Variants in RICTOR observed in about 807,000 individuals in gnomAD.
The protein encoded by RICTOR is rapamycin-insensitive companion of mTOR.
RICTOR carries 49 observed loss-of-function variants against 214.9 expected under a neutral mutation model. That is an observed-to-expected ratio of 0.23 (90% CI 0.18 to 0.29). The LOEUF is 0.29. Among genes scored for constraint, RICTOR ranks in the 10% least tolerant of loss-of-function variants. The pLI is 1.00. For synonymous variants in RICTOR, 717 were observed against 711.3 expected, an observed-to-expected ratio of 1.01 and a Z score of -0.13; for missense variants, 1,625 against 2,047.0, an observed-to-expected ratio of 0.79 and a Z score of 3.98.
Position 38,940,837 on chromosome 5 carries a change from A to G in RICTOR, c.*1467T>C, listed in dbSNP as rs1296733216. The G allele has an allele frequency of 4.3e-6, 1 of 232,082 alleles. No individual in the cohort carries two copies. The highest frequency in any genetic ancestry group is 8.5e-6 in the Non-Finnish European group (1 of 117,438). 14.4% of individuals were successfully genotyped at this position (232,082 alleles called of 1,614,324 possible). On this transcript the variant is annotated 3_prime_UTR_variant, in exon 38 of 38. Coordinates refer to ENST00000357387, the MANE Select transcript of RICTOR (RefSeq NM_152756.5). ...AGGGTTCTTTACAGAGATCTCAAAG[A>G]ACAAGCCCATTACAAAAAGGATCTG...
At chr5:39,020,056 AG>A (rs1477434228) in intron 3 of RICTOR, among the ~76,000 whole-genome samples, 1 of 152,170 alleles carries the variant, frequency 6.6e-6, no homozygotes, top group African/African-American at 2.4e-5. Context: ...CTAGAATTAG[AG>A]GGGGAGCCTG....
chr5:38,981,982 T>C lies in RICTOR; in HGVS notation c.638A>G (p.Lys213Arg), dbSNP rs1360808569. The C allele has an allele frequency of 6.2e-7, 1 of 1,613,396 alleles. No homozygotes were observed. The highest frequency in any genetic ancestry group is 1.3e-5 in the African/African-American group (1 of 74,908). ...ACTTAATTGGCAATCGATCACATTTTTCAAGATGGTGTTTAGTCCACCTCG... is the reference window on the plus strand; with the variant it reads ...ACTTAATTGGCAATCGATCACATTTCTCAAGATGGTGTTTAGTCCACCTCG... Reference protein sequence around the residue: ...ALRGGLNTILKNVIDCQLSRI... With the variant: ...ALRGGLNTILRNVIDCQLSRI... Residue 213 changes from lysine (K) to arginine (R), a missense_variant, in exon 8 of 38, where the codon AAA becomes AGA. By Grantham distance (26) the Lys-to-Arg change is conservative. Around this residue, in one of 5 missense-constraint regions of RICTOR, gnomAD observed 258 missense variants for 393.7 expected, o/e 0.66. Coordinates refer to ENST00000357387, the MANE Select transcript of RICTOR (RefSeq NM_152756.5).
chr5:38,960,677 G>A (rs1749716639), intron 19 of RICTOR, 144 bp from the exon 20 acceptor site: 4 of 814,992 alleles, frequency 4.9e-6, no homozygotes, highest in Middle Eastern at 6.1e-4. Context: ...TGTATTAAAA[G>A]TGTTTGGTAC....
At chr5:39,051,378 C>T (rs1320230308) in intron 2 of RICTOR, among the ~76,000 whole-genome samples, 1 of 152,106 alleles carries the variant, frequency 6.6e-6, no homozygotes, top group Admixed American at 6.6e-5. Flanking sequence ...AATTTTATCC[C>T]TTTTCACAAA....
intron 8 of RICTOR, among the ~76,000 whole-genome samples, chr5:38,979,636 AG>A (rs973286773): frequency 2.3e-4 from 35 of 152,320 alleles, no homozygotes; most frequent in African/African-American, 8.2e-4. Context: ...AAGTCTCATA[AG>A]ATTTCAGTCC....
chr5:38,981,773 T>C lies in RICTOR; in HGVS notation c.753+94A>G, dbSNP rs1182231662. 2.1e-5 allele frequency: 16 copies of C among 779,566 alleles called. No homozygotes were observed. The Admixed American group carries it at 4.3e-4, about 21-fold the overall frequency. 48.3% of individuals were successfully genotyped at this position (779,566 alleles called of 1,614,324 possible). A position where few individuals can be genotyped will look rare whatever the true frequency, so the allele number is the denominator to read the frequency against. ...CGGCTAATTTAGGCTTGATAATTAA[T>C]GTGGTGCTGCATCTATAAAATTTAG... On this transcript the variant is annotated intron_variant, in intron 8 of 37. Coordinates refer to ENST00000357387, the MANE Select transcript of RICTOR (RefSeq NM_152756.5).
chr5:38,953,209 C>G (rs1748945633), intron 28 of RICTOR, 118 bp from the exon 29 acceptor site: 2 of 689,472 alleles, frequency 2.9e-6, no homozygotes, highest in Non-Finnish European at 5.0e-6. Context: ...TAAAAGCCTC[C>G]TCAAGTACAA....
In RICTOR at chr5:39,000,037, A is replaced by G. The variant is rs567838675; in HGVS notation, c.392+2498T>C. ...TAGGAATAAAGAGGGTTATTTTATA[A>G]TTATAAAAGGATTAAGCCCAATAAG... On this transcript the variant is annotated intron_variant, in intron 5 of 37. Transcript: ENST00000357387. Among the ~76,000 whole-genome samples, 904 of 152,120 alleles carry G rather than the reference A, an allele frequency of 5.9e-3. 12 individuals carry two copies. Among genetic ancestry groups the G allele is most frequent in the African/African-American group, 0.021 (866 of 41,564 alleles).
chr5:39,066,036 AC>A (rs758542975), intron 2 of RICTOR, among the ~76,000 whole-genome samples: 59 of 152,286 alleles, frequency 3.9e-4, no homozygotes, highest in Non-Finnish European at 6.9e-4. Flanking sequence ...GGGGGCTCCA[AC>A]CCCACATTTC....
At chr5:38,959,708 A>C in intron 21 of RICTOR, 71 bp downstream of exon 21, 1 of 973,570 alleles carries the variant, frequency 1.0e-6, no homozygotes, top group African/African-American at 1.6e-5. Flanking sequence ...CAGAATAAAA[A>C]GCATACCATA....
intron 2 of RICTOR, among the ~76,000 whole-genome samples, chr5:39,053,903 A>AC (rs1301747539): frequency 6.7e-6 from 1 of 149,312 alleles, no homozygotes; most frequent in East Asian, 2.0e-4. Flanking sequence ...AAAAAAAAAA[A>AC]AAACCCGTCT....
chr5:38,957,043 T>C (rs1317920393), intron 25 of RICTOR, among the ~76,000 whole-genome samples: 3 of 152,112 alleles, frequency 2.0e-5, no homozygotes, highest in African/African-American at 4.8e-5. Flanking sequence ...ATTTTGACCA[T>C]GGGTTTCCAA....
chr5:38,964,922 T>G, intron 15 of RICTOR, 30 bp from the exon 16 acceptor site: 1 of 1,336,762 alleles, frequency 7.5e-7, no homozygotes, highest in Non-Finnish European at 1.1e-6. Context: ...TTTACATGAG[T>G]TTTCAGAAGT....
At chr5:38,951,396 T>C (rs1375351477) in intron 30 of RICTOR, among the ~76,000 whole-genome samples, 2 of 152,030 alleles carry the variant, frequency 1.3e-5, no homozygotes, top group Non-Finnish European at 2.9e-5. Context: ...CTAAGTGAAT[T>C]TGCATACTGC....
chr5:38,958,180 C>T (rs111231707), intron 24 of RICTOR, among the ~76,000 whole-genome samples: 4 of 151,568 alleles, frequency 2.6e-5, no homozygotes, highest in Non-Finnish European at 5.9e-5. Context: ...GTGGTTGCAT[C>T]GAGCCAACAT....
At position 38,966,715 on chromosome 5, in the gene RICTOR, C is replaced by A; in HGVS notation, c.1225G>T (p.Val409Phe). 1 of 1,543,358 alleles carries A rather than the reference C, an allele frequency of 6.5e-7. No homozygotes were observed. Among genetic ancestry groups the A allele is most frequent in the Non-Finnish European group, 8.9e-7 (1 of 1,124,636 alleles). The change falls in exon 15 of 38, where the codon GTT (valine) becomes TTT (phenylalanine). Residue 409 changes from valine to phenylalanine, a missense_variant. By Grantham distance (50) the Val-to-Phe change is conservative. Coordinates refer to ENST00000357387, the MANE Select transcript of RICTOR (RefSeq NM_152756.5). ...TCATCACTGTTTGTTATCACTTCAA[C>A]TAGACCCTTTGAAAATAAAAAGATA... ...FIRNGLLEGL[V>F]EVITNSDDHI... is the part of the protein sequence containing the mutation.
chr5:38,991,779 AGG>A (rs1214155071), intron 6 of RICTOR, among the ~76,000 whole-genome samples: 2 of 152,186 alleles, frequency 1.3e-5, no homozygotes, highest in South Asian at 2.1e-4. Flanking sequence ...TATTGAAAAC[AGG>A]TAACATATGT....
At chr5:38,997,996 C>G (rs573934011) in intron 5 of RICTOR, among the ~76,000 whole-genome samples, 216 of 152,296 alleles carry the variant, frequency 1.4e-3, no homozygotes, top group African/African-American at 5.0e-3. Flanking sequence ...GAATTACACT[C>G]TAAGAAACAA....
intron 2 of RICTOR, among the ~76,000 whole-genome samples, chr5:39,040,721 T>C (rs1188739597): frequency 6.6e-6 from 1 of 152,070 alleles, no homozygotes; most frequent in Non-Finnish European, 1.5e-5. Flanking sequence ...AAATCTATAC[T>C]ATAAAAGACA....
Sources: allele counts gnomAD v4.1 joint callset (sites outside exome capture counted in the v4.1 genomes callset), GRCh38; gene constraint gnomAD v4.1.1; regional missense constraint gnomAD v4.1.1; transcripts MANE v1.5; gene names NCBI Gene and HGNC (gene_info 2026-07-23, HGNC 2026-07-21).